Variants in ICA1 observed in about 807,000 individuals in gnomAD.
The protein encoded by ICA1 is islet cell autoantigen 1.
In ICA1, 40 loss-of-function variants were observed where a neutral mutation model predicts 71.0. The observed-to-expected ratio is 0.56, with a 90% CI of 0.44 to 0.73. The LOEUF is 0.73. Ranked by LOEUF, ICA1 falls within the 30% of genes least tolerant of loss-of-function variation. The probability of loss-of-function intolerance (pLI) is 0.00; values close to 1 mark genes in which losing one functional copy is unlikely to be tolerated. For synonymous variants in ICA1, 207 were observed against 209.5 expected, an observed-to-expected ratio of 0.99 and a Z score of 0.10; for missense variants, 578 against 576.5, an observed-to-expected ratio of 1.00 and a Z score of -0.03.
chr7:8,252,923 C>T (rs1234652564), intron 1 of ICA1, among the ~76,000 whole-genome samples: 1 of 152,060 alleles, frequency 6.6e-6, no homozygotes, highest in Non-Finnish European at 1.5e-5. Context: ...GTTGCCCAGG[C>T]TGGTCTTGAA....
chr7:8,171,656 T>C (rs536346067), intron 6 of ICA1, among the ~76,000 whole-genome samples: 1 of 151,888 alleles, frequency 6.6e-6, no homozygotes, highest in South Asian at 2.1e-4. Flanking sequence ...TCTGTGTACT[T>C]AGGTTTAATT....
At chr7:8,206,499 C>T (rs954991207) in intron 6 of ICA1, among the ~76,000 whole-genome samples, 1 of 152,154 alleles carries the variant, frequency 6.6e-6, no homozygotes, top group African/African-American at 2.4e-5. Flanking sequence ...CTGTCATTCT[C>T]CCTTTTCTTC....
chr7:8,205,285 T>G (rs1049700441), intron 6 of ICA1, among the ~76,000 whole-genome samples: 2 of 152,130 alleles, frequency 1.3e-5, no homozygotes, highest in Non-Finnish European at 2.9e-5. Context: ...GAGGAAGATA[T>G]GCAGATCTTT....
At chr7:8,236,211 A>T (rs1801793462) in intron 1 of ICA1, among the ~76,000 whole-genome samples, 1 of 152,268 alleles carries the variant, frequency 6.6e-6, no homozygotes, top group South Asian at 2.1e-4. Flanking sequence ...TTAAAAAGTG[A>T]ACAGGCAGAT....
Position 8,198,601 on chromosome 7 carries a change from C to T in ICA1, c.579+19704G>A, listed in dbSNP as rs146108655. 1.4e-4 allele frequency among the ~76,000 whole-genome samples: 21 copies of T among 152,162 alleles called. No individual in the cohort carries two copies. In the East Asian group the frequency reaches 3.3e-3, roughly 24 times the overall value. ...GCCAGAGACTGGTGGTCCAGGCGAGCGTCATAAGGCCTGAACAAGAGCCGA... is the reference window on the plus strand; with the variant it reads ...GCCAGAGACTGGTGGTCCAGGCGAGTGTCATAAGGCCTGAACAAGAGCCGA... On this transcript the variant is annotated intron_variant, in intron 6 of 13. Transcript: ENST00000402384.
At chr7:8,206,172 G>A (rs967531566) in intron 6 of ICA1, among the ~76,000 whole-genome samples, 2 of 152,106 alleles carry the variant, frequency 1.3e-5, no homozygotes, top group African/African-American at 4.8e-5. Flanking sequence ...GCTTCTTGAA[G>A]TTCTCCTAGA....
intron 6 of ICA1, among the ~76,000 whole-genome samples, chr7:8,161,782 C>T (rs987803367): frequency 1.2e-4 from 18 of 152,290 alleles, no homozygotes; most frequent in African/African-American, 4.1e-4. Flanking sequence ...TGACCACAGA[C>T]ACAAGTGAGC....
intron 8 of ICA1, among the ~76,000 whole-genome samples, chr7:8,148,758 G>A (rs1379789653): frequency 6.6e-6 from 1 of 151,902 alleles, no homozygotes; most frequent in African/African-American, 2.4e-5. Context: ...ATATAGCAAG[G>A]AAAAAAACAA....
intron 2 of ICA1, among the ~76,000 whole-genome samples, chr7:8,233,394 A>AT (rs35599635): frequency 0.029 from 4,193 of 142,736 alleles, 185 homozygotes; most frequent in African/African-American, 0.1. Context: ...TATTCTTGGT[A>AT]TTTTTTTTTT....
chr7:8,152,888 CACT>C (rs78937210), intron 8 of ICA1, among the ~76,000 whole-genome samples: 117,338 of 124,630 alleles, frequency 0.94, 55,056 homozygotes, highest in African/African-American at 0.96. Context: ...CCTCCACCAC[CACT>C]ACCACCATTA....
chr7:8,114,160 C>A lies in ICA1; in HGVS notation c.1331-116G>T, dbSNP rs1309289940. The A allele has an allele frequency of 4.5e-6, 5 of 1,119,584 alleles. No individual in the cohort carries two copies. The East Asian group carries it at 1.2e-4, about 27-fold the overall frequency. 69.4% of individuals were successfully genotyped at this position (1,119,584 alleles called of 1,614,324 possible). A position where few individuals can be genotyped will look rare whatever the true frequency, so the allele number is the denominator to read the frequency against. On this transcript the variant is annotated intron_variant, in intron 13 of 13. Coordinates refer to ENST00000402384, the MANE Select transcript of ICA1 (RefSeq NM_001136020.3). ...ATGCAGATTGTTCAATCAGACAAAT[C>A]CCTTTGCACTCTCTCTGACAATAGT...
At chr7:8,126,170 C>G (rs1789094964) in intron 13 of ICA1, among the ~76,000 whole-genome samples, 1 of 152,186 alleles carries the variant, frequency 6.6e-6, no homozygotes, top group African/African-American at 2.4e-5. Flanking sequence ...TGCAACCATT[C>G]CCTGTGGTTA....
At chr7:8,117,018 G>C (rs1252210704) in intron 13 of ICA1, among the ~76,000 whole-genome samples, 1 of 152,150 alleles carries the variant, frequency 6.6e-6, no homozygotes, top group East Asian at 1.9e-4. Context: ...ACTGAATCAT[G>C]GGGATGGTTT....
chr7:8,216,249 G>A (rs930795064), intron 6 of ICA1, among the ~76,000 whole-genome samples: 4 of 152,126 alleles, frequency 2.6e-5, no homozygotes, highest in Non-Finnish European at 5.9e-5. Context: ...GACTGGCCCT[G>A]GGGTGATGGC....
intron 1 of ICA1, among the ~76,000 whole-genome samples, chr7:8,242,657 T>C (rs1202680316): frequency 1.3e-5 from 2 of 152,054 alleles, no homozygotes; most frequent in African/African-American, 4.8e-5. Context: ...ACAAAATTGA[T>C]AGATCACTAG....
intron 12 of ICA1, among the ~76,000 whole-genome samples, 158 bp from the exon 13 acceptor site, chr7:8,128,300 A>G (rs1790125437): frequency 6.6e-6 from 1 of 152,250 alleles, no homozygotes; most frequent in Admixed American, 6.5e-5. Flanking sequence ...GCCTCTCTTA[A>G]GAGTTTATAG....
intron 6 of ICA1, among the ~76,000 whole-genome samples, chr7:8,179,642 A>G (rs1562866936): frequency 6.6e-6 from 1 of 152,160 alleles, no homozygotes; most frequent in Non-Finnish European, 1.5e-5. Context: ...AATTATTAGA[A>G]CTAAGAAGTC....
intron 3 of ICA1, among the ~76,000 whole-genome samples, 186 bp from the exon 4 acceptor site, chr7:8,228,859 C>T (rs1009288080): frequency 1.8e-4 from 28 of 152,144 alleles, no homozygotes; most frequent in African/African-American, 6.8e-4. Flanking sequence ...TCCTATTATT[C>T]TGTATTTATT....
intron 8 of ICA1, among the ~76,000 whole-genome samples, chr7:8,147,227 C>T (rs866781604): frequency 1.3e-5 from 2 of 152,194 alleles, no homozygotes; most frequent in Middle Eastern, 3.4e-3. Flanking sequence ...CCCTCATAAC[C>T]ACACTTGAGC....
Sources: allele counts gnomAD v4.1 joint callset (sites outside exome capture counted in the v4.1 genomes callset), GRCh38; gene constraint gnomAD v4.1.1; transcripts MANE v1.5; gene names NCBI Gene and HGNC (gene_info 2026-07-23, HGNC 2026-07-21).